Variants in GARIN1B observed in about 807,000 individuals in gnomAD.
GARIN1B encodes the protein golgi associated RAB2 interactor 1B.
the GARIN1B span, chr7:128,726,713 A>T: frequency 2.0e-6 from 2 of 1,003,348 alleles, no homozygotes; most frequent in Admixed American, 2.3e-5. Context: ...TTTCATATTT[A>T]TATCTGTCTC....
At chr7:128,724,193 T>G in the GARIN1B span, among the ~76,000 whole-genome samples, 1 of 152,060 alleles carries the variant, frequency 6.6e-6, no homozygotes, top group East Asian at 1.9e-4. Flanking sequence ...GTATTTTTAG[T>G]AGAGACAGGG....
chr7:128,716,984 A>G, the GARIN1B span: 2 of 1,610,434 alleles, frequency 1.2e-6, no homozygotes, highest in Non-Finnish European at 1.7e-6. Context: ...AGCCCCCAAC[A>G]TCTTCCTGAA....
At chr7:128,717,723 G>A in the GARIN1B span, among the ~76,000 whole-genome samples, 319 of 150,420 alleles carry the variant, frequency 2.1e-3, 1 homozygote, top group Admixed American at 5.2e-3. Context: ...CTGGGATTAC[G>A]GGCGTGAGCC....
the GARIN1B span, among the ~76,000 whole-genome samples, chr7:128,722,621 T>C: frequency 3.0e-4 from 45 of 152,150 alleles, 1 homozygote; most frequent in Admixed American, 7.9e-4. Flanking sequence ...CTGGCCAACA[T>C]GGTGAAACCC....
the GARIN1B span, chr7:128,729,805 C>T: frequency 1.5e-6 from 2 of 1,303,730 alleles, no homozygotes; most frequent in Admixed American, 1.8e-5. Context: ...TGGAATGGTG[C>T]CTGGCACATC....
the GARIN1B span, among the ~76,000 whole-genome samples, chr7:128,719,344 A>G: frequency 1.3e-5 from 2 of 151,958 alleles, no homozygotes; most frequent in African/African-American, 4.8e-5. Flanking sequence ...TGTGGATTTT[A>G]TGGTGGATTA....
At chr7:128,728,441 TAA>T in the GARIN1B span, among the ~76,000 whole-genome samples, 1,491 of 149,512 alleles carry the variant, frequency 1.0e-2, 12 homozygotes, top group Middle Eastern at 0.02. Context: ...GACTCAGACT[TAA>T]AAAAAAAAAA....
At chr7:128,719,179 A>C in the GARIN1B span, 24 of 1,279,926 alleles carry the variant, frequency 1.9e-5, no homozygotes, top group Middle Eastern at 2.4e-4. Context: ...AGGTGATCTC[A>C]GTGTGAGGCC....
At chr7:128,711,752 G>A in the GARIN1B span, among the ~76,000 whole-genome samples, 2 of 151,322 alleles carry the variant, frequency 1.3e-5, no homozygotes, top group African/African-American at 2.4e-5. Flanking sequence ...TTAAACACTT[G>A]CTGTATTGCT....
chr7:128,725,540 T>A, the GARIN1B span, among the ~76,000 whole-genome samples: 1 of 152,074 alleles, frequency 6.6e-6, no homozygotes, highest in Non-Finnish European at 1.5e-5. Context: ...CCTGGCTAAT[T>A]TTTGTATTTT....
chr7:128,731,048 C>T, the GARIN1B span: 1 of 1,535,038 alleles, frequency 6.5e-7, no homozygotes, highest in Admixed American at 1.7e-5. Context: ...CACAAAAGAG[C>T]TTTTTAGGTA....
the GARIN1B span, chr7:128,726,941 C>T: frequency 1.7e-5 from 24 of 1,398,334 alleles, no homozygotes; most frequent in African/African-American, 2.8e-5. Context: ...AGATCCCCTC[C>T]AGCCCCCATC....
chr7:128,719,697 CTTTTTTTTTTT>C, the GARIN1B span, among the ~76,000 whole-genome samples: 8 of 99,022 alleles, frequency 8.1e-5, no homozygotes, highest in Non-Finnish European at 1.4e-4. Flanking sequence ...TTTTGTTTTG[CTTTTTTTTTTT>C]TTTTTTTTTG....
the GARIN1B span, chr7:128,731,445 G>C: frequency 2.3e-6 from 1 of 425,834 alleles, no homozygotes; most frequent in Admixed American, 3.6e-5. Flanking sequence ...GATGAGAAAG[G>C]TGGTGGGAGA....
chr7:128,730,649 C>A, the GARIN1B span, among the ~76,000 whole-genome samples: 1 of 135,398 alleles, frequency 7.4e-6, no homozygotes, highest in African/African-American at 3.1e-5. Context: ...AATAAACCAC[C>A]AACTCTTTTT....
At chr7:128,709,750 CTTTTT>C in the GARIN1B span, among the ~76,000 whole-genome samples, 470 of 114,514 alleles carry the variant, frequency 4.1e-3, no homozygotes, top group Middle Eastern at 9.8e-3. Context: ...CTCTCTCTCT[CTTTTT>C]TTTTTTTTTT....
chr7:128,711,345 A>G, the GARIN1B span, among the ~76,000 whole-genome samples: 1 of 152,150 alleles, frequency 6.6e-6, no homozygotes, highest in Non-Finnish European at 1.5e-5. Context: ...AGAAGCAACC[A>G]GACAAACCTA....
the GARIN1B span, among the ~76,000 whole-genome samples, chr7:128,727,523 C>A: frequency 6.6e-6 from 1 of 152,206 alleles, no homozygotes; most frequent in South Asian, 2.1e-4. Flanking sequence ...GAGCATGACA[C>A]ATTCTGGAAA....
chr7:128,720,981 GT>G, the GARIN1B span, among the ~76,000 whole-genome samples: 1 of 149,720 alleles, frequency 6.7e-6, no homozygotes, highest in Admixed American at 6.9e-5. Flanking sequence ...GAATCAGTTT[GT>G]TAATTTCCAC....
Sources: allele counts gnomAD v4.1 joint callset (sites outside exome capture counted in the v4.1 genomes callset), GRCh38; gene constraint gnomAD v4.1.1; transcripts MANE v1.5; gene names NCBI Gene and HGNC (gene_info 2026-07-23, HGNC 2026-07-21).